Variants in MARCHF1 observed in about 807,000 individuals in gnomAD.
The protein encoded by MARCHF1 is membrane associated ring-CH-type finger 1, also known as E3 ubiquitin-protein ligase MARCHF1.
In MARCHF1, 40 loss-of-function variants were observed where a neutral mutation model predicts 54.2. The observed-to-expected ratio is 0.74, with a 90% confidence interval of 0.57 to 0.96. The LOEUF is 0.96. MARCHF1 is among the 40% of genes least tolerant of loss of function. The pLI, the probability that MARCHF1 is intolerant of heterozygous loss-of-function variation, is 0.00. For synonymous variants in MARCHF1, 236 were observed against 236.3 expected, an observed-to-expected ratio of 1.00 and a Z score of 0.01; for missense variants, 586 against 656.5, an observed-to-expected ratio of 0.89 and a Z score of 1.17.
At position 164,035,078 on chromosome 4, in the gene MARCHF1, CAT is replaced by C. The variant is rs1474255472; in HGVS notation, c.-247-46371_-247-46370del. On this transcript the variant is annotated intron_variant, in intron 2 of 9. Coordinates refer to ENST00000514618, the MANE Select transcript of MARCHF1 (RefSeq NM_001394959.1). ...GCCTCTAATATCCATTAATTTTAAA[CAT>C]GTGGATATATTTTCATATTTTAATT... Among the ~76,000 whole-genome samples the C allele has an allele frequency of 3.9e-5, 6 of 152,180 alleles. No homozygotes were observed. The East Asian group carries it at 9.6e-4, about 24-fold the overall frequency.
intron 5 of MARCHF1, among the ~76,000 whole-genome samples, chr4:163,616,496 T>C (rs542651271): frequency 4.9e-4 from 74 of 152,166 alleles, no homozygotes; most frequent in Non-Finnish European, 1.0e-4. Flanking sequence ...AATACATATA[T>C]GAAAAAGTGC....
At chr4:164,298,282 C>A (rs1734462479) in intron 1 of MARCHF1, among the ~76,000 whole-genome samples, 1 of 151,944 alleles carries the variant, frequency 6.6e-6, no homozygotes. Context: ...AAGCCTCCTG[C>A]ATAACTGTTC....
chr4:164,186,664 G>A (rs1730978799), intron 1 of MARCHF1, among the ~76,000 whole-genome samples: 1 of 152,174 alleles, frequency 6.6e-6, no homozygotes, highest in East Asian at 1.9e-4. Context: ...AGTGACAGAA[G>A]CTCACATGAA....
intron 4 of MARCHF1, among the ~76,000 whole-genome samples, chr4:163,850,999 G>C (rs1453683403): frequency 6.6e-6 from 1 of 152,142 alleles, no homozygotes; most frequent in Non-Finnish European, 1.5e-5. Context: ...CCAGTGAAAA[G>C]TTCCATTTGT....
chr4:163,710,585 A>T (rs542494864), intron 4 of MARCHF1, among the ~76,000 whole-genome samples: 85 of 152,310 alleles, frequency 5.6e-4, no homozygotes, highest in Middle Eastern at 3.4e-3. Context: ...GCCATTCTGA[A>T]CAAGTTAGTA....
At chr4:164,097,798 T>C (rs1345213545) in intron 2 of MARCHF1, among the ~76,000 whole-genome samples, 1 of 152,166 alleles carries the variant, frequency 6.6e-6, no homozygotes, top group Admixed American at 6.5e-5. Flanking sequence ...ACACATATTT[T>C]TGTGAGATTT....
At chr4:163,811,987 A>C (rs1011372739) in intron 4 of MARCHF1, among the ~76,000 whole-genome samples, 2 of 152,178 alleles carry the variant, frequency 1.3e-5, no homozygotes, top group African/African-American at 4.8e-5. Flanking sequence ...GGTGGACATC[A>C]TCTAATCTGT....
At chr4:163,539,001 T>TTTTTTTTATTTA (rs1738630686) in intron 9 of MARCHF1, among the ~76,000 whole-genome samples, 3 of 148,990 alleles carry the variant, frequency 2.0e-5, no homozygotes, top group African/African-American at 7.5e-5. Context: ...CTCCTGATGC[T>TTTTTTTTATTTA]TTTATTTATT....
At chr4:164,230,490 G>C (rs180925353) in intron 1 of MARCHF1, among the ~76,000 whole-genome samples, 3 of 148,476 alleles carry the variant, frequency 2.0e-5, no homozygotes, top group Non-Finnish European at 4.5e-5. Context: ...TCAAATCAGA[G>C]TAATTGAGAT....
At chr4:163,891,992 T>A (rs898790791) in intron 3 of MARCHF1, among the ~76,000 whole-genome samples, 13 of 152,090 alleles carry the variant, frequency 8.5e-5, no homozygotes, top group Admixed American at 8.5e-4. Context: ...AAAGTCTCAA[T>A]AGATTCAACA....
intron 1 of MARCHF1, among the ~76,000 whole-genome samples, chr4:164,213,452 G>T (rs947191255): frequency 1.3e-5 from 2 of 151,650 alleles, no homozygotes; most frequent in Non-Finnish European, 2.9e-5. Flanking sequence ...AGCCAGGATG[G>T]TCTCAATCTC....
At chr4:164,312,319 C>CTTTTTTTTTT (rs34613860) in intron 1 of MARCHF1, among the ~76,000 whole-genome samples, 42 of 103,440 alleles carry the variant, frequency 4.1e-4, no homozygotes, top group African/African-American at 7.3e-4. Context: ...TTTTCTTTTT[C>CTTTTTTTTTT]TTTTTTTTTT....
At chr4:163,999,382 G>A (rs931091904) in intron 2 of MARCHF1, among the ~76,000 whole-genome samples, 11 of 151,450 alleles carry the variant, frequency 7.3e-5, no homozygotes, top group Non-Finnish European at 1.3e-4. Context: ...AAAGTACTTA[G>A]TTTGCAAAAA....
intron 8 of MARCHF1, among the ~76,000 whole-genome samples, chr4:163,557,430 A>G (rs978597903): frequency 1.6e-4 from 25 of 152,236 alleles, no homozygotes; most frequent in Admixed American, 1.4e-3. Context: ...AATCTCATTC[A>G]GTTCCAAGGA....
intron 1 of MARCHF1, among the ~76,000 whole-genome samples, chr4:164,168,538 TAC>T (rs907326401): frequency 6.6e-6 from 1 of 152,010 alleles, no homozygotes; most frequent in African/African-American, 2.4e-5. Flanking sequence ...AGTCTGTGTA[TAC>T]ACACACACAA....
intron 1 of MARCHF1, among the ~76,000 whole-genome samples, chr4:164,157,447 C>G (rs1345164813): frequency 6.6e-6 from 1 of 152,110 alleles, no homozygotes; most frequent in African/African-American, 2.4e-5. Flanking sequence ...TTCCTTACAT[C>G]TTGTTTATTA....
At chr4:163,614,050 A>G (rs1226105656) in intron 5 of MARCHF1, among the ~76,000 whole-genome samples, 1 of 152,100 alleles carries the variant, frequency 6.6e-6, no homozygotes, top group Non-Finnish European at 1.5e-5. Flanking sequence ...CTAAAGTCCT[A>G]CCTTTGAAAC....
At chr4:164,064,355 T>C (rs1336258630) in intron 2 of MARCHF1, among the ~76,000 whole-genome samples, 1 of 152,182 alleles carries the variant, frequency 6.6e-6, no homozygotes, top group Non-Finnish European at 1.5e-5. Context: ...TGGTTTATAG[T>C]CCTCCTTGTA....
At chr4:163,811,856 G>A (rs915783074) in intron 4 of MARCHF1, among the ~76,000 whole-genome samples, 1 of 152,082 alleles carries the variant, frequency 6.6e-6, no homozygotes, top group Non-Finnish European at 1.5e-5. Context: ...ACTTGACTGG[G>A]CCATGGGATG....
Sources: allele counts gnomAD v4.1 joint callset (sites outside exome capture counted in the v4.1 genomes callset), GRCh38; gene constraint gnomAD v4.1.1; transcripts MANE v1.5; gene names NCBI Gene and HGNC (gene_info 2026-07-23, HGNC 2026-07-21).